DOCK7: variants seen among roughly 807,000 people sequenced by gnomAD.
DOCK7 encodes the protein dedicator of cytokinesis 7.
In DOCK7, 138 loss-of-function variants were observed where a neutral mutation model predicts 271.0. That is an observed-to-expected ratio of 0.51 (90% confidence interval 0.44 to 0.59). The LOEUF is 0.59. Ranked by LOEUF, DOCK7 falls within the 20% of genes least tolerant of loss-of-function variation. The pLI is 0.00. For missense variants in DOCK7, 2,066 were observed against 2,592.4 expected (o/e 0.80, Z 4.41); for synonymous variants, 823 against 876.1 (o/e 0.94, Z 1.07).
rs1029177774 is a variant in DOCK7 at position 62,520,038 on chromosome 1, G to A, written c.3937-6140C>T. On this transcript the variant is annotated intron_variant, in intron 31 of 49. Coordinates refer to ENST00000635253, the MANE Select transcript of DOCK7 (RefSeq NM_001367561.1). The stretch of plus-strand genomic sequence containing the variant: ...TATTTAATAAATGGTGTTCGGAACC[G>A]CCTAGCCATATGCAGAAAACTGAAA... Among the ~76,000 whole-genome samples, 10 of 152,104 alleles carry A rather than the reference G, an allele frequency of 6.6e-5. No homozygotes were observed. In the South Asian group the frequency reaches 8.3e-4, roughly 13 times the overall value.
At chr1:62,654,877 G>C (rs1318179246) in intron 2 of DOCK7, among the ~76,000 whole-genome samples, 1 of 152,136 alleles carries the variant, frequency 6.6e-6, no homozygotes, top group Non-Finnish European at 1.5e-5. Context: ...CTTGAAGATA[G>C]AGATGATGTG....
At chr1:62,466,829 G>A (rs1314785691) in intron 48 of DOCK7, among the ~76,000 whole-genome samples, 4 of 152,018 alleles carry the variant, frequency 2.6e-5, no homozygotes, top group East Asian at 1.9e-4. Context: ...GCTGAGGCAC[G>A]AGAATCACTT....
chr1:62,487,370 GTC>G (rs759204532), intron 43 of DOCK7, 26 bp downstream of exon 43: 7 of 1,603,202 alleles, frequency 4.4e-6, no homozygotes, highest in Non-Finnish European at 6.0e-6. Context: ...ATCTATTAGT[GTC>G]TTTAACTAAC....
chr1:62,640,590 C>A (rs1432838672), intron 7 of DOCK7, among the ~76,000 whole-genome samples: 2 of 152,124 alleles, frequency 1.3e-5, no homozygotes, highest in African/African-American at 4.8e-5. Flanking sequence ...TTATTTGATT[C>A]TGATCACAAA....
intron 48 of DOCK7, among the ~76,000 whole-genome samples, chr1:62,459,821 C>T (rs977194128): frequency 9.9e-5 from 15 of 151,968 alleles, no homozygotes; most frequent in African/African-American, 3.4e-4. Context: ...GCTTCCAGGC[C>T]GGGTGCAGTG....
At chr1:62,492,412 T>C in intron 41 of DOCK7, 1 of 299,816 alleles carries the variant, frequency 3.3e-6, no homozygotes, top group Non-Finnish European at 6.2e-6. Context: ...CCTCAGCCTC[T>C]CAAGTAGCTG....
chr1:62,522,852 GATA>G (rs1297602842), intron 31 of DOCK7, among the ~76,000 whole-genome samples: 3 of 151,710 alleles, frequency 2.0e-5, no homozygotes, highest in Non-Finnish European at 4.4e-5. Context: ...CAATTTTTTT[GATA>G]ATGAGTATTT....
intron 1 of DOCK7, among the ~76,000 whole-genome samples, chr1:62,680,723 A>C (rs1391699719): frequency 2.0e-5 from 3 of 151,992 alleles, no homozygotes; most frequent in Non-Finnish European, 4.4e-5. Context: ...AAGTGGGCAA[A>C]GGATATGAAC....
intron 4 of DOCK7, among the ~76,000 whole-genome samples, chr1:62,649,836 T>C (rs1177224023): frequency 6.6e-6 from 1 of 152,180 alleles, no homozygotes; most frequent in Non-Finnish European, 1.5e-5. Context: ...TATGGAGCCT[T>C]AGCATGTATT....
In DOCK7 at chr1:62,563,863, C is replaced by CAAAAAAAA. The variant is rs71045848; in HGVS notation, c.2113-2168_2113-2161dup. On this transcript the variant is annotated intron_variant, in intron 18 of 49. Coordinates refer to ENST00000635253, the MANE Select transcript of DOCK7 (RefSeq NM_001367561.1). ...AAGGGATGGAGGAATATTTACCAAG[C>CAAAAAAAA]AAAAAAAAAAAAAAAAAAAAAAAAA... is the stretch of plus-strand genomic sequence containing the variant. Among the ~76,000 whole-genome samples the CAAAAAAAA allele has an allele frequency of 7.7e-5, 3 of 38,816 alleles. 1 individual carries two copies. The highest frequency in any genetic ancestry group is 3.1e-4 in the African/African-American group (3 of 9,732). The allele number at this position is 38,816 out of a possible 152,430, so 25.5% of individuals were successfully genotyped here.
intron 43 of DOCK7, chr1:62,482,132 T>G (rs912530151): frequency 2.6e-5 from 4 of 152,218 alleles, no homozygotes; most frequent in African/African-American, 9.6e-5. Flanking sequence ...AATAACAACT[T>G]TCAACATTTT....
rs558536536 is a variant in DOCK7, at chr1:62,604,398, T to C, written c.1682+14308A>G. ...ACTATAATGAAAGTGTTCATTCTAG[T>C]TCAATCAGGTATTTTACCTCTAATC... On this transcript the variant is annotated intron_variant, in intron 14 of 49. Coordinates refer to ENST00000635253, the MANE Select transcript of DOCK7 (RefSeq NM_001367561.1). 13 of 950,654 alleles carry C rather than the reference T, an allele frequency of 1.4e-5. No homozygotes were observed. The East Asian group carries it at 3.4e-4, about 25-fold the overall frequency. The allele number at this position is 950,654 out of a possible 1,614,324, so 58.9% of individuals were successfully genotyped here.
chr1:62,662,912 T>A, intron 2 of DOCK7, 113 bp downstream of exon 2: 1 of 713,512 alleles, frequency 1.4e-6, no homozygotes, highest in Non-Finnish European at 2.2e-6. Flanking sequence ...AGGTAACAAG[T>A]AAGGTTATGA....
intron 48 of DOCK7, among the ~76,000 whole-genome samples, chr1:62,467,714 C>T (rs1322147353): frequency 1.3e-5 from 2 of 152,134 alleles, no homozygotes; most frequent in African/African-American, 4.8e-5. Context: ...GACATTATTC[C>T]ACAAGACAGA....
At chr1:62,474,143 G>C in intron 47 of DOCK7, 55 bp from the exon 48 acceptor site, 2 of 1,446,656 alleles carry the variant, frequency 1.4e-6, no homozygotes, top group East Asian at 4.6e-5. Context: ...AAATCACAGA[G>C]ACAGAATTTA....
chr1:62,461,892 A>G (rs1018756249), intron 48 of DOCK7, among the ~76,000 whole-genome samples: 1 of 151,124 alleles, frequency 6.6e-6, no homozygotes, highest in African/African-American at 2.4e-5. Context: ...ACCAAGATGG[A>G]GAAACAGCAT....
chr1:62,467,838 T>C (rs762757464), intron 48 of DOCK7, among the ~76,000 whole-genome samples: 12 of 152,056 alleles, frequency 7.9e-5, no homozygotes, highest in Non-Finnish European at 1.6e-4. Flanking sequence ...CTGATGAACA[T>C]AGAAGCAAAA....
At chr1:62,596,805 A>G (rs1168318392) in intron 14 of DOCK7, among the ~76,000 whole-genome samples, 2 of 152,136 alleles carry the variant, frequency 1.3e-5, no homozygotes, top group Admixed American at 6.6e-5. Context: ...CCACATATCC[A>G]TTGTTCCTTC....
chr1:62,684,768 G>A (rs1298793166), intron 1 of DOCK7, among the ~76,000 whole-genome samples: 4 of 152,206 alleles, frequency 2.6e-5, no homozygotes, highest in African/African-American at 9.6e-5. Flanking sequence ...TACTTGATAT[G>A]GACAAGATAT....
Sources: gnomAD v4.1 joint callset for allele counts (sites outside exome capture counted in the v4.1 genomes callset) on GRCh38, gnomAD v4.1.1 for gene constraint, MANE v1.5 for transcripts, NCBI Gene and HGNC (gene_info 2026-07-23, HGNC 2026-07-21) for gene names.